GET1: variants seen among roughly 807,000 people sequenced by gnomAD.
The protein encoded by GET1 is congenital heart disease 5 protein.
A neutral mutation model predicts 22.6 loss-of-function variants in GET1; 20 were observed. The ratio of observed to expected loss-of-function variants is 0.89; its 90% CI spans 0.62 to 1.29. The LOEUF is 1.29. Ranked by LOEUF, GET1 falls within the 50% of genes most tolerant of loss-of-function variation. The pLI is 0.00. For missense variants in GET1, 209 were observed against 219.9 expected (o/e 0.95, Z 0.31); for synonymous variants, 92 against 83.8 (o/e 1.10, Z -0.53).
chr21:39,411,119 AG>A (rs761753617), downstream of GET1: 11 of 330,394 alleles, frequency 3.3e-5, no homozygotes, highest in Non-Finnish European at 6.5e-5. Context: ...CAGATACAAA[AG>A]GGTGCAGCTG....
At chr21:39,382,040 C>T (rs1013947689) in intron 1 of GET1, among the ~76,000 whole-genome samples, 4 of 151,598 alleles carry the variant, frequency 2.6e-5, no homozygotes, top group African/African-American at 9.7e-5. Flanking sequence ...CACGTGGCCC[C>T]GCTCCCAGAA....
At chr21:39,406,631 C>T, downstream of GET1, 2 of 1,528,152 alleles carry the variant, frequency 1.3e-6, no homozygotes, top group East Asian at 2.3e-5. Context: ...GAAAAATAGG[C>T]AATTTAGTGC....
At chr21:39,394,067 C>T (rs936676940) in intron 4 of GET1, among the ~76,000 whole-genome samples, 13 of 152,082 alleles carry the variant, frequency 8.5e-5, no homozygotes, top group Non-Finnish European at 1.8e-4. Context: ...CAGTGGCTCA[C>T]GCCTGTAATC....
downstream of GET1, among the ~76,000 whole-genome samples, chr21:39,402,579 T>C (rs2147030328): frequency 6.6e-6 from 1 of 152,356 alleles, no homozygotes; most frequent in East Asian, 1.9e-4. Flanking sequence ...CTTACTTTAG[T>C]GCTTTGCTTA....
chr21:39,380,853 GC>G, intron 1 of GET1: 1 of 1,000,244 alleles, frequency 1.0e-6, no homozygotes, highest in Non-Finnish European at 1.2e-6. Context: ...CAGAGGCCTG[GC>G]GGGCGAAGTC....
intron 1 of GET1, among the ~76,000 whole-genome samples, chr21:39,416,468 T>C (rs2041174398): frequency 6.6e-6 from 1 of 152,196 alleles, no homozygotes; most frequent in African/African-American, 2.4e-5. Flanking sequence ...GTTCATCTAG[T>C]GTATTTCCTG....
chr21:39,405,797 CCT>C, intron 4 of GET1: 1 of 1,043,392 alleles, frequency 9.6e-7, no homozygotes, highest in South Asian at 1.9e-5. Flanking sequence ...ACATACACTC[CCT>C]CTCTCACACA....
rs1220249700 is a variant in GET1, at chr21:39,391,839, A to G, written c.336+3A>G. The stretch of plus-strand genomic sequence containing the variant: ...GTGTCGCTTTCTACGTATTGCAGGT[A>G]AGTGTGCTAGAGCGTCAGCCGGGTC... On this transcript the variant is annotated splice_donor_region_variant and intron_variant, in intron 3 of 4. Transcript: ENST00000649170. 1 of 1,614,124 alleles carries G rather than the reference A, an allele frequency of 6.2e-7. No individual in the cohort carries two copies. Among genetic ancestry groups the G allele is most frequent in the Non-Finnish European group, 8.5e-7 (1 of 1,179,986 alleles).
downstream of GET1, among the ~76,000 whole-genome samples, chr21:39,402,161 T>C (rs536886805): frequency 6.6e-6 from 1 of 152,314 alleles, no homozygotes; most frequent in Admixed American, 6.5e-5. Context: ...TGGAGTGCAG[T>C]GGCATGATCT....
At chr21:39,409,473 G>A (rs1291165733), downstream of GET1, among the ~76,000 whole-genome samples, 1 of 152,186 alleles carries the variant, frequency 6.6e-6, no homozygotes, top group African/African-American at 2.4e-5. The surrounding 1 kb of genome is among the most constrained non-coding windows in gnomAD (Gnocchi z 4.2). Context: ...TGGGCAGGGC[G>A]AGGGGATATG....
chr21:39,410,322 A>G, downstream of GET1: 1 of 1,611,230 alleles, frequency 6.2e-7, no homozygotes, highest in Non-Finnish European at 8.5e-7. Flanking sequence ...CATACTTGTG[A>G]ATGGCAAAAT....
intron 1 of GET1, 131 bp downstream of exon 1, chr21:39,380,617 T>C: frequency 6.8e-7 from 1 of 1,465,316 alleles, no homozygotes; most frequent in South Asian, 1.3e-5. Context: ...GTCCGTAAGC[T>C]TTTTTGAGAT....
chr21:39,391,864 C>A, intron 3 of GET1, 28 bp downstream of exon 3: 1 of 1,612,938 alleles, frequency 6.2e-7, no homozygotes, highest in South Asian at 1.1e-5. Context: ...TCAGCCGGGT[C>A]ATTGGAGTTG....
chr21:39,413,092 A>G (rs2040396933), intron 1 of GET1, among the ~76,000 whole-genome samples: 1 of 152,226 alleles, frequency 6.6e-6, no homozygotes, highest in Non-Finnish European at 1.5e-5. Flanking sequence ...CAGACTGAGA[A>G]GAGGCCAGGA....
intron 4 of GET1, chr21:39,405,872 T>TA: frequency 6.5e-7 from 1 of 1,536,220 alleles, no homozygotes; most frequent in Non-Finnish European, 8.8e-7. Flanking sequence ...CATTAGGATA[T>TA]TGATTATATT....
In GET1 at chr21:39,397,090, A is replaced by T; in HGVS notation, c.*151A>T. On this transcript the variant is annotated 3_prime_UTR_variant, in exon 5 of 5. Coordinates refer to ENST00000649170, the MANE Select transcript of GET1 (RefSeq NM_004627.6). Reference sequence around the variant, plus strand: ...TATGTTTGTTCTTGGACTTTATGAGAGAGTCTTATAAGAATCACGATTTTC... The same window carrying T: ...TATGTTTGTTCTTGGACTTTATGAGTGAGTCTTATAAGAATCACGATTTTC... 1.2e-6 allele frequency: 1 copy of T among 821,270 alleles called. No homozygotes were observed. Among genetic ancestry groups the T allele is most frequent in the Non-Finnish European group, 1.9e-6 (1 of 533,312 alleles). The allele number at this position is 821,270 out of a possible 1,614,324, so 50.9% of individuals were successfully genotyped here.
chr21:39,391,644 G>T, intron 2 of GET1, 125 bp from the exon 3 acceptor site: 4 of 873,626 alleles, frequency 4.6e-6, no homozygotes, highest in African/African-American at 1.7e-5. Context: ...TTCTAAATAT[G>T]TTGAGCGATT....
Position 39,397,082 on chromosome 21 carries a change from T to A in GET1, c.*143T>A, listed in dbSNP as rs189865422. On this transcript the variant is annotated 3_prime_UTR_variant, in exon 5 of 5. Coordinates refer to ENST00000649170, the MANE Select transcript of GET1 (RefSeq NM_004627.6). ...TTGTTGAATATGTTTGTTCTTGGAC[T>A]TTATGAGAGAGTCTTATAAGAATCA... The A allele has an allele frequency of 1.9e-4, 164 of 853,932 alleles. 1 individual carries two copies. The African/African-American group carries it at 2.7e-3, about 14-fold the overall frequency. 52.9% of individuals were successfully genotyped at this position (853,932 alleles called of 1,614,324 possible).
chr21:39,384,036 C>T (rs1478129896), intron 1 of GET1, among the ~76,000 whole-genome samples: 5 of 150,420 alleles, frequency 3.3e-5, no homozygotes, highest in Admixed American at 6.6e-5. Context: ...CCACCACCCC[C>T]GGCCTTTTTT....
Sources: gnomAD v4.1 joint callset for allele counts (sites outside exome capture counted in the v4.1 genomes callset) on GRCh38, gnomAD v4.1.1 for gene constraint, Gnocchi (gnomAD v3.1) non-coding constraint, MANE v1.5 for transcripts, NCBI Gene and HGNC (gene_info 2026-07-23, HGNC 2026-07-21) for gene names.